Variants in CPLX1 observed in about 807,000 individuals in gnomAD.
CPLX1 encodes the protein complexin-1.
A neutral mutation model predicts 15.6 loss-of-function variants in CPLX1; 6 were observed. That is an observed-to-expected ratio of 0.39 (90% confidence interval 0.21 to 0.76). The LOEUF (loss-of-function observed/expected upper bound fraction) is 0.76. CPLX1 is among the 30% of genes least tolerant of loss of function. The pLI is 0.43. For synonymous variants in CPLX1, 91 were observed against 75.2 expected (o/e 1.21, Z -1.08); for missense variants, 242 against 188.6 (o/e 1.28, Z -1.66).
intron 3 of CPLX1, among the ~76,000 whole-genome samples, chr4:790,102 G>A (rs34525414): frequency 3.3e-5 from 5 of 151,644 alleles, no homozygotes; most frequent in Admixed American, 6.6e-5. Flanking sequence ...GCCTGAGGGC[G>A]GGGTTCCCCC....
chr4:787,372 C>T, intron 3 of CPLX1: 1 of 985,404 alleles, frequency 1.0e-6, no homozygotes. Flanking sequence ...AGTGCGTCTG[C>T]CCTCCGTAGT....
At chr4:787,024 A>T in intron 3 of CPLX1, 1 of 985,296 alleles carries the variant, frequency 1.0e-6, no homozygotes, top group Non-Finnish European at 1.2e-6. Flanking sequence ...CCTGCCTTCC[A>T]GGAAGCCTCC....
At chr4:810,365 A>C (rs1746645631) in intron 2 of CPLX1, among the ~76,000 whole-genome samples, 1 of 151,892 alleles carries the variant, frequency 6.6e-6, no homozygotes, top group Non-Finnish European at 1.5e-5. Context: ...CTGCGCTTTC[A>C]TTTCTCTTGG....
At chr4:822,663 G>C (rs6823196) in intron 2 of CPLX1, among the ~76,000 whole-genome samples, 55,853 of 151,866 alleles carry the variant, frequency 0.37, 10,672 homozygotes, top group African/African-American at 0.47. Flanking sequence ...TTTCTCAATA[G>C]TTCTCTTGGG....
intron 2 of CPLX1, among the ~76,000 whole-genome samples, chr4:819,479 C>T (rs999415595): frequency 3.9e-5 from 6 of 152,226 alleles, no homozygotes; most frequent in Admixed American, 1.3e-4. Flanking sequence ...TTGTGAAGTC[C>T]GTTCTGAACA....
Position 792,435 on chromosome 4 carries a change from TGTCTCG to T in CPLX1, c.199_204del (p.Arg67_Asp68del). 3 of 1,576,722 alleles carry T rather than the reference TGTCTCG, an allele frequency of 1.9e-6. No homozygotes were observed. Among genetic ancestry groups the T allele is most frequent in the Non-Finnish European group, 2.6e-6 (3 of 1,162,794 alleles). On this transcript the variant is annotated inframe_deletion, in exon 3 of 4. Transcript: ENST00000304062. ...GGCGGGGCCGGCCCGGCGCGCACCT[TGTCTCG>T]GATGCCCTGGCGCACGGCCTCGCGC...
At chr4:787,135 C>T (rs1418420154) in intron 3 of CPLX1, 1 of 985,426 alleles carries the variant, frequency 1.0e-6, no homozygotes, top group Non-Finnish European at 1.2e-6. Flanking sequence ...GGTCCACGAC[C>T]TGCATTCACA....
At chr4:818,120 G>A (rs961294437) in intron 2 of CPLX1, among the ~76,000 whole-genome samples, 2 of 152,248 alleles carry the variant, frequency 1.3e-5, no homozygotes, top group African/African-American at 2.4e-5. Context: ...CACCCCTCCT[G>A]AGAGCTGGGT....
chr4:821,813 G>C (rs1244526908), intron 2 of CPLX1, among the ~76,000 whole-genome samples: 1 of 152,160 alleles, frequency 6.6e-6, no homozygotes, highest in African/African-American at 2.4e-5. Context: ...CCCTCCTTGA[G>C]ACCCAGCGTT....
chr4:787,787 C>T (rs1746046262), intron 3 of CPLX1: 2 of 985,394 alleles, frequency 2.0e-6, no homozygotes, highest in Non-Finnish European at 2.4e-6. Context: ...CTCCAGCCCT[C>T]CCGTGAGCCA....
chr4:824,323 C>T (rs547947320), intron 2 of CPLX1, among the ~76,000 whole-genome samples, 169 bp downstream of exon 2: 1 of 152,194 alleles, frequency 6.6e-6, no homozygotes. Context: ...GGGCTGGGGG[C>T]GCTGCTGGGC....
At chr4:788,121 C>A in intron 3 of CPLX1, 1 of 985,390 alleles carries the variant, frequency 1.0e-6, no homozygotes. Context: ...GCCTTTCTGC[C>A]CAGGAGGAGC....
chr4:800,517 CAT>C (rs1166147644), intron 2 of CPLX1, among the ~76,000 whole-genome samples: 7 of 145,374 alleles, frequency 4.8e-5, no homozygotes, highest in South Asian at 2.2e-4. Context: ...CACACAGACA[CAT>C]ATATGTGTAT....
At chr4:812,827 C>T (rs759418540) in intron 2 of CPLX1, among the ~76,000 whole-genome samples, 6 of 152,158 alleles carry the variant, frequency 3.9e-5, no homozygotes, top group Non-Finnish European at 5.9e-5. Context: ...TGCTCTAATG[C>T]TGGCTATCCT....
chr4:817,440 C>G (rs896700858), intron 2 of CPLX1, among the ~76,000 whole-genome samples: 9 of 151,094 alleles, frequency 6.0e-5, no homozygotes, highest in Non-Finnish European at 1.2e-4. Flanking sequence ...CACCTGTAAT[C>G]CCAGCTACTC....
intron 2 of CPLX1, among the ~76,000 whole-genome samples, chr4:806,975 G>A (rs760769118): frequency 1.3e-5 from 2 of 152,168 alleles, no homozygotes; most frequent in Non-Finnish European, 2.9e-5. Context: ...CCATTACTGG[G>A]TATATACCCA....
chr4:789,109 G>A (rs569989947), intron 3 of CPLX1, among the ~76,000 whole-genome samples: 25 of 152,344 alleles, frequency 1.6e-4, no homozygotes, highest in African/African-American at 5.3e-4. Flanking sequence ...CTGAGGTCAC[G>A]CCGGACTTGG....
At chr4:822,398 T>A (rs530444024) in intron 2 of CPLX1, among the ~76,000 whole-genome samples, 1 of 151,894 alleles carries the variant, frequency 6.6e-6, no homozygotes, top group African/African-American at 2.4e-5. Flanking sequence ...TCTATCTCTG[T>A]CTCCGTCTCT....
At chr4:807,196 C>A (rs1746570724) in intron 2 of CPLX1, among the ~76,000 whole-genome samples, 1 of 152,172 alleles carries the variant, frequency 6.6e-6, no homozygotes, top group South Asian at 2.1e-4. Flanking sequence ...GGGCTGGAAG[C>A]CATTATCTTC....
Sources: allele counts gnomAD v4.1 joint callset (sites outside exome capture counted in the v4.1 genomes callset), GRCh38; gene constraint gnomAD v4.1.1; transcripts MANE v1.5; gene names NCBI Gene and HGNC (gene_info 2026-07-23, HGNC 2026-07-21).